Variants in SLC25A42 observed in about 807,000 individuals in gnomAD.
The protein encoded by SLC25A42 is mitochondrial coenzyme A transporter SLC25A42.
A neutral mutation model predicts 34.7 loss-of-function variants in SLC25A42; 19 were observed. The ratio of observed to expected loss-of-function variants is 0.55; its 90% CI spans 0.38 to 0.80. SLC25A42 has a LOEUF of 0.80. Ranked by LOEUF, SLC25A42 falls within the 30% of genes least tolerant of loss-of-function variation. The pLI is 0.00. For missense variants in SLC25A42, 364 were observed against 441.3 expected (o/e 0.82, Z 1.57); for synonymous variants, 205 against 191.2 (o/e 1.07, Z -0.59).
intron 1 of SLC25A42, among the ~76,000 whole-genome samples, chr19:19,082,552 C>G (rs1305155499): frequency 6.6e-6 from 1 of 151,916 alleles, no homozygotes; most frequent in Non-Finnish European, 1.5e-5. Flanking sequence ...TTGAAAGAGA[C>G]AGGGTTTTGC....
At chr19:19,087,858 A>C (rs890880119) in intron 1 of SLC25A42, among the ~76,000 whole-genome samples, 1 of 152,214 alleles carries the variant, frequency 6.6e-6, no homozygotes, top group Non-Finnish European at 1.5e-5. Flanking sequence ...GGCAGGCTCA[A>C]GTGAGCCCAC....
At chr19:19,093,739 G>A (rs1046966081) in intron 1 of SLC25A42, among the ~76,000 whole-genome samples, 2 of 152,126 alleles carry the variant, frequency 1.3e-5, no homozygotes, top group African/African-American at 2.4e-5. Flanking sequence ...ATGCAGTGGC[G>A]TGATCTCGGC....
intron 2 of SLC25A42, among the ~76,000 whole-genome samples, chr19:19,098,705 G>A (rs2059778396): frequency 1.3e-5 from 2 of 152,206 alleles, no homozygotes; most frequent in African/African-American, 4.8e-5. Context: ...GATCACCTGA[G>A]CCTCAGGGGT....
chr19:19,105,133 G>A, intron 4 of SLC25A42, 195 bp downstream of exon 4: 1 of 657,540 alleles, frequency 1.5e-6, no homozygotes, highest in East Asian at 2.7e-5. Context: ...CCGGCAGTGG[G>A]GTGGGGAGAC....
intron 1 of SLC25A42, among the ~76,000 whole-genome samples, chr19:19,076,176 T>G (rs1197214011): frequency 6.6e-6 from 1 of 152,096 alleles, no homozygotes; most frequent in Non-Finnish European, 1.5e-5. Context: ...TCAACAGGTA[T>G]TCTCGGCCAG....
intron 1 of SLC25A42, among the ~76,000 whole-genome samples, chr19:19,069,065 G>T (rs2059616770): frequency 6.6e-6 from 1 of 151,162 alleles, no homozygotes; most frequent in Non-Finnish European, 1.5e-5. Flanking sequence ...TATGTGAAAA[G>T]AAAGAAGATT....
At chr19:19,092,565 A>G (rs1030162029) in intron 1 of SLC25A42, among the ~76,000 whole-genome samples, 3 of 152,118 alleles carry the variant, frequency 2.0e-5, no homozygotes, top group Admixed American at 6.5e-5. Context: ...TGAGGCCACA[A>G]TGCCCTTCTG....
intron 1 of SLC25A42, among the ~76,000 whole-genome samples, chr19:19,073,645 G>T (rs1005511490): frequency 6.6e-6 from 1 of 151,680 alleles, no homozygotes; most frequent in Non-Finnish European, 1.5e-5. Context: ...CATGATCTTG[G>T]CTCACTGCAA....
At chr19:19,073,527 C>T in intron 1 of SLC25A42, among the ~76,000 whole-genome samples, 1 of 151,816 alleles carries the variant, frequency 6.6e-6, no homozygotes, top group East Asian at 1.9e-4. Flanking sequence ...TTGTTGAAGG[C>T]CAATCAAATG....
chr19:19,084,212 C>T (rs907692719), intron 1 of SLC25A42, among the ~76,000 whole-genome samples: 1 of 152,226 alleles, frequency 6.6e-6, no homozygotes. Context: ...GGGTGTTGCA[C>T]ACACCATCTC....
chr19:19,105,026 G>C, intron 4 of SLC25A42, 88 bp downstream of exon 4: 1 of 1,483,238 alleles, frequency 6.7e-7, no homozygotes, highest in South Asian at 1.1e-5. Flanking sequence ...TCTGAGGAGA[G>C]TCTCAGGGGT....
chr19:19,082,221 G>C lies in SLC25A42; in HGVS notation c.-34-13870G>C, dbSNP rs189521971. Reference sequence around the variant, plus strand: ...ATCAGGAGTCTAAAATGGGAGTGCAGGGCTGGGTTTCTTCTGGAGGCTCAG... The same window carrying C: ...ATCAGGAGTCTAAAATGGGAGTGCACGGCTGGGTTTCTTCTGGAGGCTCAG... On this transcript the variant is annotated intron_variant, in intron 1 of 7. Transcript: ENST00000318596. Among the ~76,000 whole-genome samples the C allele has an allele frequency of 4.6e-5, 7 of 152,272 alleles. No homozygotes were observed. In the East Asian group the frequency reaches 1.2e-3, roughly 25 times the overall value.
chr19:19,069,463 G>A (rs996696796), intron 1 of SLC25A42, among the ~76,000 whole-genome samples: 6 of 152,202 alleles, frequency 3.9e-5, no homozygotes, highest in Non-Finnish European at 7.3e-5. Flanking sequence ...GTATCCTGTC[G>A]TAGTTGTGGA....
In SLC25A42 at chr19:19,080,923, T is replaced by TA. The variant is rs369757922; in HGVS notation, c.-34-15150dup. Among the ~76,000 whole-genome samples the TA allele has an allele frequency of 2.2e-3, 305 of 139,572 alleles. 7 individuals are homozygous for TA. The highest frequency in any genetic ancestry group is 0.019 in the Middle Eastern group (5 of 262). 91.6% of individuals were successfully genotyped at this position (139,572 alleles called of 152,430 possible). A position where few individuals can be genotyped will look rare whatever the true frequency, so the allele number is the denominator to read the frequency against. On this transcript the variant is annotated intron_variant, in intron 1 of 7. Transcript: ENST00000318596. ...CAACAGAGAGAGACCCTATAAAATTTAAAAAAAAAAAAAAAAAAGAGGGAG... is the reference window on the plus strand; with the variant it reads ...CAACAGAGAGAGACCCTATAAAATTTAAAAAAAAAAAAAAAAAAAGAGGGAG...
intron 1 of SLC25A42, among the ~76,000 whole-genome samples, chr19:19,082,657 T>G (rs2059687330): frequency 6.6e-6 from 1 of 151,350 alleles, no homozygotes; most frequent in Non-Finnish European, 1.5e-5. Flanking sequence ...GCCACTGATC[T>G]TGGCCTTTTT....
chr19:19,071,995 GC>G (rs2145898178), intron 1 of SLC25A42, among the ~76,000 whole-genome samples: 1 of 152,362 alleles, frequency 6.6e-6, no homozygotes, highest in East Asian at 1.9e-4. Context: ...CTGGCATGGG[GC>G]GACCCAGGAT....
At chr19:19,084,336 G>A (rs956317153) in intron 1 of SLC25A42, among the ~76,000 whole-genome samples, 1 of 152,202 alleles carries the variant, frequency 6.6e-6, no homozygotes, top group African/African-American at 2.4e-5. Flanking sequence ...AGCCACCTGA[G>A]TCTTTGGGGC....
chr19:19,071,758 C>T (rs2059631102), intron 1 of SLC25A42, among the ~76,000 whole-genome samples: 1 of 151,894 alleles, frequency 6.6e-6, no homozygotes, highest in Non-Finnish European at 1.5e-5. Context: ...CTCAGCTACT[C>T]AGGAGACTGA....
chr19:19,079,465 CTA>C (rs765461364), intron 1 of SLC25A42, among the ~76,000 whole-genome samples: 5 of 152,154 alleles, frequency 3.3e-5, no homozygotes, highest in Non-Finnish European at 7.3e-5. Flanking sequence ...GTTCCTGTCT[CTA>C]TGGATTTACC....
Sources: allele counts gnomAD v4.1 joint callset (sites outside exome capture counted in the v4.1 genomes callset), GRCh38; gene constraint gnomAD v4.1.1; transcripts MANE v1.5; gene names NCBI Gene and HGNC (gene_info 2026-07-23, HGNC 2026-07-21).